IFT74: variants seen among roughly 807,000 people sequenced by gnomAD.
IFT74 encodes intraflagellar transport protein 74 homolog.
A neutral mutation model predicts 96.7 loss-of-function variants in IFT74; 92 were observed. That is an observed-to-expected ratio of 0.95 (90% CI 0.80 to 1.13). The LOEUF (loss-of-function observed/expected upper bound fraction) is 1.13, where lower values mean the gene tolerates loss of function less well. IFT74 is among the 50% of genes most tolerant of loss of function. The probability of loss-of-function intolerance (pLI) is 0.00; values close to 1 mark genes in which losing one functional copy is unlikely to be tolerated. For synonymous variants in IFT74, 223 were observed against 213.2 expected, an observed-to-expected ratio of 1.05 and a Z score of -0.40; for missense variants, 811 against 698.2, an observed-to-expected ratio of 1.16 and a Z score of -1.82.
At position 27,015,721 on chromosome 9, in the gene IFT74, C is replaced by T. The variant is rs1275238246; in HGVS notation, c.790-1186C>T. On this transcript the variant is annotated intron_variant, in intron 10 of 19. Coordinates refer to ENST00000380062, the MANE Select transcript of IFT74 (RefSeq NM_025103.4). ...GTCCGGTTTCAAATGTCACTGTTAA[C>T]TCTTATGTCTTTGTTAACTTTGAAA... Among the ~76,000 whole-genome samples, 4 of 152,158 alleles carry T rather than the reference C, an allele frequency of 2.6e-5. No homozygotes were observed. The East Asian group carries it at 7.7e-4, about 29-fold the overall frequency.
intron 7 of IFT74, among the ~76,000 whole-genome samples, chr9:26,988,947 T>C (rs1827753464): frequency 6.6e-6 from 1 of 152,176 alleles, no homozygotes; most frequent in African/African-American, 2.4e-5. Context: ...TTAGTGACTG[T>C]CTACTGTGTT....
chr9:26,984,576 A>G lies in IFT74; in HGVS notation c.465+17A>G. The stretch of plus-strand genomic sequence containing the variant: ...TACAACATGGTATTTTATCTTTTCT[A>G]AGAGAATTTACTGTTAATATTTTCA... On this transcript the variant is annotated intron_variant, in intron 6 of 19. Coordinates refer to ENST00000380062, the MANE Select transcript of IFT74 (RefSeq NM_025103.4). The G allele has an allele frequency of 6.3e-7, 1 of 1,581,332 alleles. No individual in the cohort carries two copies. The highest frequency in any genetic ancestry group is 1.1e-5 in the South Asian group (1 of 88,230).
At chr9:27,033,573 CAAAA>C (rs558712485) in intron 13 of IFT74, among the ~76,000 whole-genome samples, 2 of 66,282 alleles carry the variant, frequency 3.0e-5, no homozygotes, top group Non-Finnish European at 3.1e-5. Context: ...GACCCTGTCT[CAAAA>C]AAAAAAAAAA....
intron 2 of IFT74, among the ~76,000 whole-genome samples, chr9:26,977,568 G>A (rs1401494569): frequency 2.0e-5 from 3 of 152,042 alleles, no homozygotes; most frequent in African/African-American, 4.8e-5. Flanking sequence ...GGCTCACTGC[G>A]GCCTTGACCT....
chr9:26,976,208 C>A (rs993048381), intron 2 of IFT74, among the ~76,000 whole-genome samples: 3 of 152,128 alleles, frequency 2.0e-5, no homozygotes, highest in African/African-American at 7.2e-5. Flanking sequence ...ACGTCTCCCC[C>A]TGGGTGGGGT....
intron 18 of IFT74, among the ~76,000 whole-genome samples, chr9:27,056,858 G>GGATAGATA (rs56131867): frequency 0.036 from 5,234 of 144,650 alleles, 106 homozygotes; most frequent in East Asian, 0.044. Flanking sequence ...TTTAGTCAAT[G>GGATAGATA]GATAGATAGA....
At position 26,973,121 on chromosome 9, in the gene IFT74, C is replaced by T. The variant is rs112711309; in HGVS notation, c.121-5007C>T. Among the ~76,000 whole-genome samples, 1,208 of 152,308 alleles carry T rather than the reference C, an allele frequency of 7.9e-3. 16 individuals carry two copies. The highest frequency in any genetic ancestry group is 0.028 in the African/African-American group (1,152 of 41,564). ...AAGACAAATATGTCTCGGCTATCCT[C>T]AGCCAAGGGGCATGCGCAGAAAGCA... On this transcript the variant is annotated intron_variant, in intron 2 of 19. Coordinates refer to ENST00000380062, the MANE Select transcript of IFT74 (RefSeq NM_025103.4).
At chr9:27,045,181 G>A (rs538954419) in intron 14 of IFT74, among the ~76,000 whole-genome samples, 3 of 152,306 alleles carry the variant, frequency 2.0e-5, no homozygotes, top group African/African-American at 7.2e-5. Context: ...TAGATCAGCA[G>A]CAGCATTAGA....
chr9:27,020,675 T>C (rs866387861), intron 12 of IFT74, among the ~76,000 whole-genome samples: 8 of 152,074 alleles, frequency 5.3e-5, no homozygotes, highest in Middle Eastern at 6.8e-3. Context: ...GGGGTTTCAC[T>C]GTGTTAGCCA....
chr9:27,037,868 A>C (rs929846415), intron 13 of IFT74, among the ~76,000 whole-genome samples: 15 of 152,254 alleles, frequency 9.9e-5, no homozygotes, highest in African/African-American at 3.6e-4. Flanking sequence ...ACAGGGTGCC[A>C]TTCAAGGTCA....
intron 18 of IFT74, among the ~76,000 whole-genome samples, chr9:27,060,292 GT>G (rs989513841): frequency 6.6e-6 from 1 of 151,998 alleles, no homozygotes; most frequent in Non-Finnish European, 1.5e-5. Context: ...TCTTTTAAAA[GT>G]TTTTTTAGGG....
At chr9:27,031,201 G>A (rs542637594) in intron 13 of IFT74, among the ~76,000 whole-genome samples, 1 of 152,254 alleles carries the variant, frequency 6.6e-6, no homozygotes, top group East Asian at 1.9e-4. Context: ...CTTTTAGGTC[G>A]TGTGCGGTGG....
At chr9:27,043,066 T>A (rs943561859) in intron 13 of IFT74, among the ~76,000 whole-genome samples, 1 of 152,206 alleles carries the variant, frequency 6.6e-6, no homozygotes, top group East Asian at 1.9e-4. Flanking sequence ...GAGACCATGG[T>A]TGATCATTTG....
intron 1 of IFT74, among the ~76,000 whole-genome samples, chr9:26,957,404 G>A (rs764921965): frequency 4.6e-5 from 7 of 152,120 alleles, no homozygotes; most frequent in Non-Finnish European, 7.4e-5. Flanking sequence ...ATCATACACC[G>A]TCTTCCTTTT....
chr9:26,948,419 T>C (rs1396218947), intron 1 of IFT74, among the ~76,000 whole-genome samples: 3 of 150,036 alleles, frequency 2.0e-5, no homozygotes, highest in African/African-American at 7.3e-5. Flanking sequence ...GTTTTTTCTC[T>C]GTTTGACAAC....
chr9:26,947,179 G>A, intron 1 of IFT74: 2 of 1,085,214 alleles, frequency 1.8e-6, no homozygotes, highest in Non-Finnish European at 2.5e-6. Flanking sequence ...AAGAGCCCGA[G>A]AGCCGGTACG....
chr9:26,959,787 G>A (rs1198365311), intron 1 of IFT74, among the ~76,000 whole-genome samples: 1 of 152,102 alleles, frequency 6.6e-6, no homozygotes, highest in Admixed American at 6.5e-5. Flanking sequence ...AGTAGTTAAG[G>A]GTGAGAATCA....
intron 2 of IFT74, among the ~76,000 whole-genome samples, chr9:26,963,417 AT>A (rs1826457456): frequency 6.6e-6 from 1 of 150,558 alleles, no homozygotes; most frequent in African/African-American, 2.4e-5. Flanking sequence ...CGCAATAAAC[AT>A]ACGTGTGCAT....
chr9:27,032,901 A>G (rs1830190358), intron 13 of IFT74, among the ~76,000 whole-genome samples: 4 of 152,092 alleles, frequency 2.6e-5, no homozygotes, highest in Admixed American at 2.6e-4. Flanking sequence ...CTTTTAAACT[A>G]CTTAAAATTA....
Sources: allele counts gnomAD v4.1 joint callset (sites outside exome capture counted in the v4.1 genomes callset), GRCh38; gene constraint gnomAD v4.1.1; transcripts MANE v1.5; gene names NCBI Gene and HGNC (gene_info 2026-07-23, HGNC 2026-07-21).